The following CHRM2 variants were observed in gnomAD, a reference collection of about 807,000 sequenced individuals.
The protein encoded by CHRM2 is muscarinic acetylcholine receptor M2.
Under a neutral mutation model 25.0 loss-of-function variants are expected in CHRM2, and 8 were observed. That is an observed-to-expected ratio of 0.32 (90% CI 0.19 to 0.58). CHRM2 has a LOEUF of 0.58. CHRM2 is among the 20% of genes least tolerant of loss of function. CHRM2 has a pLI of 0.88. For missense variants in CHRM2, 440 were observed against 567.1 expected (o/e 0.78, Z 2.28); for synonymous variants, 202 against 205.7 (o/e 0.98, Z 0.15).
chr7:136,911,713 T>C lies in CHRM2; in HGVS notation c.-125+42295T>C, dbSNP rs149312085. 6.3e-3 allele frequency among the ~76,000 whole-genome samples: 964 copies of C among 152,088 alleles called. 6 individuals carry two copies. The highest frequency in any genetic ancestry group is 0.022 in the African/African-American group (919 of 41,530). ...TTCCGTTTTCAAACCTGTTTACATG[T>C]CGAATTTTCTTGTCTCTTTTATGTA... On this transcript the variant is annotated intron_variant, in intron 2 of 3. Coordinates refer to ENST00000680005, the MANE Select transcript of CHRM2 (RefSeq NM_001006630.2).
intron 2 of CHRM2, among the ~76,000 whole-genome samples, chr7:136,883,145 A>G (rs1796330713): frequency 6.6e-6 from 1 of 152,094 alleles, no homozygotes. Context: ...TAATAGCACT[A>G]CTTCTGCCTT....
Position 137,017,598 on chromosome 7 carries a change from A to G in CHRM2, c.*1332A>G, listed in dbSNP as rs1257550007. 6.6e-6 allele frequency: 1 copy of G among 152,014 alleles called. No individual in the cohort carries two copies. The highest frequency in any genetic ancestry group is 1.5e-5 in the Non-Finnish European group (1 of 67,952). The allele number at this position is 152,014 out of a possible 1,614,324, so 9.4% of individuals were successfully genotyped here. A position where few individuals can be genotyped will look rare whatever the true frequency, so the allele number is the denominator to read the frequency against. Reference sequence around the variant, plus strand: ...TAAAAACTATTACTGAAACAATTACATATTCCATATTCCTCAAATTGTCAA... The same window carrying G: ...TAAAAACTATTACTGAAACAATTACGTATTCCATATTCCTCAAATTGTCAA... On this transcript the variant is annotated 3_prime_UTR_variant, in exon 4 of 4. Coordinates refer to ENST00000680005, the MANE Select transcript of CHRM2 (RefSeq NM_001006630.2).
At chr7:137,010,726 A>G (rs1282777136) in intron 3 of CHRM2, among the ~76,000 whole-genome samples, 1 of 152,010 alleles carries the variant, frequency 6.6e-6, no homozygotes. Flanking sequence ...AAATTCAGAG[A>G]CTGTAATAGC....
chr7:136,911,709 CA>C (rs1460203102), intron 2 of CHRM2, among the ~76,000 whole-genome samples: 4 of 151,930 alleles, frequency 2.6e-5, no homozygotes, highest in Non-Finnish European at 5.9e-5. Context: ...AACCTGTTTA[CA>C]TGTCGAATTT....
rs1299723739 is a variant in CHRM2, at chr7:137,015,844, A to G, written c.979A>G (p.Ile327Val). ...GAACTCTAAGCAAACATGCATCAGA[A>G]TTGGCACCAAGACCCCAAAAAGTGA... ...DENSKQTCIR[I>V]GTKTPKSDSC... Residue 327 changes from isoleucine (I) to valine (V), a missense_variant, in exon 4 of 4, where the codon ATT (isoleucine) becomes GTT (valine). Around this residue, in one of 5 missense-constraint regions of CHRM2, gnomAD observed 261 missense variants for 261.8 expected, o/e 1.00. Transcript: ENST00000680005. The surrounding 1 kb of genome is among the most constrained non-coding windows in gnomAD (Gnocchi z 5.1). 1.2e-6 allele frequency: 2 copies of G among 1,613,036 alleles called. No homozygotes were observed. Among genetic ancestry groups the G allele is most frequent in the Admixed American group, 3.3e-5 (2 of 59,924 alleles).
intron 2 of CHRM2, among the ~76,000 whole-genome samples, chr7:136,926,488 T>C (rs745641586): frequency 1.3e-5 from 2 of 152,188 alleles, no homozygotes; most frequent in Non-Finnish European, 2.9e-5. Context: ...CATAAATCTA[T>C]GTTTATAACT....
chr7:137,015,273 C>A lies in CHRM2; in HGVS notation c.408C>A (p.Thr136=). The A allele has an allele frequency of 6.2e-7, 1 of 1,613,332 alleles. No homozygotes were observed. The highest frequency in any genetic ancestry group is 8.5e-7 in the Non-Finnish European group (1 of 1,179,644). ...TKPLTYPVKR[T]TKMAGMMIAA... ...CTCTGACCTACCCAGTCAAGCGGAC[C>A]ACAAAAATGGCAGGTATGATGATTG... The change falls in exon 4 of 4, where the codon ACC becomes ACA. Residue 136 remains threonine (T), a synonymous_variant. Coordinates refer to ENST00000680005, the MANE Select transcript of CHRM2 (RefSeq NM_001006630.2). The surrounding 1 kb of genome is among the most constrained non-coding windows in gnomAD (Gnocchi z 5.1).
chr7:136,978,152 C>T (rs1264401152), intron 2 of CHRM2, among the ~76,000 whole-genome samples: 5 of 152,104 alleles, frequency 3.3e-5, no homozygotes, highest in Non-Finnish European at 7.4e-5. Flanking sequence ...TCATCTGTAT[C>T]CCAAACCATA....
At chr7:136,957,175 G>C (rs1275910561) in intron 2 of CHRM2, among the ~76,000 whole-genome samples, 2 of 152,194 alleles carry the variant, frequency 1.3e-5, no homozygotes, top group African/African-American at 4.8e-5. Context: ...CAAGGATTTG[G>C]ATGGCAATTT....
rs1258447261 is a variant in CHRM2, at chr7:137,019,677, G to C, written c.*3411G>C. 1 of 151,824 alleles carries C rather than the reference G, an allele frequency of 6.6e-6. No homozygotes were observed. Among genetic ancestry groups the C allele is most frequent in the Non-Finnish European group, 1.5e-5 (1 of 67,892 alleles). The allele number at this position is 151,824 out of a possible 1,614,324, so 9.4% of individuals were successfully genotyped here. The stretch of plus-strand genomic sequence containing the variant: ...TGTTCATTTCTTCGAAACAAGAAAT[G>C]ATTTTCCTTTTACCAGTTCATCATT... On this transcript the variant is annotated 3_prime_UTR_variant, in exon 4 of 4. Coordinates refer to ENST00000680005, the MANE Select transcript of CHRM2 (RefSeq NM_001006630.2).
At chr7:136,991,436 T>A (rs1480755093) in intron 2 of CHRM2, among the ~76,000 whole-genome samples, 2 of 152,128 alleles carry the variant, frequency 1.3e-5, no homozygotes, top group Non-Finnish European at 2.9e-5. Flanking sequence ...AAAAATGAGT[T>A]GACTATATTC....
intron 3 of CHRM2, among the ~76,000 whole-genome samples, chr7:137,003,709 C>A (rs1220239519): frequency 6.6e-6 from 1 of 152,082 alleles, no homozygotes; most frequent in Non-Finnish European, 1.5e-5. Flanking sequence ...GCTAAACCAA[C>A]TTTGCTGATA....
chr7:136,941,338 T>G (rs1799759827), intron 2 of CHRM2, among the ~76,000 whole-genome samples: 1 of 152,198 alleles, frequency 6.6e-6, no homozygotes, highest in Non-Finnish European at 1.5e-5. Flanking sequence ...TCAGACATAA[T>G]GCTGTCCCAT....
At chr7:136,912,331 A>G (rs1343578437) in intron 2 of CHRM2, among the ~76,000 whole-genome samples, 1 of 151,930 alleles carries the variant, frequency 6.6e-6, no homozygotes, top group Non-Finnish European at 1.5e-5. Context: ...ATCATGAGTT[A>G]TCTTAAATTA....
chr7:136,917,075 C>T (rs986384533), intron 2 of CHRM2, among the ~76,000 whole-genome samples: 1 of 151,604 alleles, frequency 6.6e-6, no homozygotes, highest in African/African-American at 2.4e-5. Context: ...CTCCTTTTTG[C>T]AAATAAGCGT....
chr7:136,990,782 T>G (rs935185925), intron 2 of CHRM2, among the ~76,000 whole-genome samples: 1 of 152,166 alleles, frequency 6.6e-6, no homozygotes, highest in Non-Finnish European at 1.5e-5. Flanking sequence ...TGTTGAGTTT[T>G]GTAAGAAACC....
intron 2 of CHRM2, among the ~76,000 whole-genome samples, chr7:136,949,457 A>C (rs1285285882): frequency 8.6e-6 from 1 of 116,482 alleles, no homozygotes; most frequent in African/African-American, 3.5e-5. Context: ...TCTCTGCAAA[A>C]CTAAAAAAAA....
chr7:137,002,940 A>C (rs1307547264), intron 3 of CHRM2, among the ~76,000 whole-genome samples: 1 of 152,130 alleles, frequency 6.6e-6, no homozygotes, highest in Non-Finnish European at 1.5e-5. Flanking sequence ...GTGCCTTTTT[A>C]AAAATATTGT....
At chr7:136,892,919 C>T (rs1796750691) in intron 2 of CHRM2, among the ~76,000 whole-genome samples, 1 of 152,116 alleles carries the variant, frequency 6.6e-6, no homozygotes, top group Non-Finnish European at 1.5e-5. Context: ...TCCCAAAGTG[C>T]TGGGATTACA....
Sources: allele counts gnomAD v4.1 joint callset (sites outside exome capture counted in the v4.1 genomes callset), GRCh38; gene constraint gnomAD v4.1.1; regional missense constraint gnomAD v4.1.1; non-coding constraint Gnocchi (gnomAD v3.1); transcripts MANE v1.5; gene names NCBI Gene and HGNC (gene_info 2026-07-23, HGNC 2026-07-21).